C16orf89: variants seen among roughly 807,000 people sequenced by gnomAD.
C16orf89 encodes UPF0764 protein C16orf89.
Under a neutral mutation model 41.5 loss-of-function variants are expected in C16orf89, and 57 were observed. The ratio of observed to expected loss-of-function variants is 1.38; its 90% confidence interval spans 1.11 to 1.71. C16orf89 has a LOEUF of 1.71. Ranked by LOEUF, C16orf89 falls within the 40% of genes most tolerant of loss-of-function variation. The probability of loss-of-function intolerance (pLI) is 0.00; values close to 1 mark genes in which losing one functional copy is unlikely to be tolerated. For missense variants in C16orf89, 575 were observed against 445.9 expected (o/e 1.29, Z -2.61); for synonymous variants, 223 against 190.6 (o/e 1.17, Z -1.40).
chr16:5,045,465 C>T (rs1956278401), intron 7 of C16orf89, among the ~76,000 whole-genome samples: 1 of 152,184 alleles, frequency 6.6e-6, no homozygotes, highest in African/African-American at 2.4e-5. Context: ...CACAATCTGT[C>T]TGCTTGTGGA....
At chr16:5,064,772 G>C (rs1187999385) in intron 1 of C16orf89, among the ~76,000 whole-genome samples, 6 of 152,210 alleles carry the variant, frequency 3.9e-5, no homozygotes, top group Non-Finnish European at 7.3e-5. Context: ...GCTCACTGCA[G>C]CTGCCAAGGA....
rs531204165 is a variant in C16orf89, at chr16:5,055,754, C to T, written c.763+299G>A. The T allele has an allele frequency of 1.1e-5, 17 of 1,532,306 alleles. No individual in the cohort carries two copies. The Admixed American group carries it at 3.1e-4, about 28-fold the overall frequency. 94.9% of individuals were successfully genotyped at this position (1,532,306 alleles called of 1,614,324 possible). ...GGGGCAGGAAACTGTCACACAGTGGCAGGTAAAATACAGGATGCCCAGTTA... is the reference window on the plus strand; with the variant it reads ...GGGGCAGGAAACTGTCACACAGTGGTAGGTAAAATACAGGATGCCCAGTTA... On this transcript the variant is annotated intron_variant, in intron 5 of 7. Coordinates refer to ENST00000472572, the MANE Select transcript of C16orf89 (RefSeq NM_001098514.3).
intron 4 of C16orf89, 43 bp downstream of exon 4, chr16:5,058,450 C>G: frequency 6.6e-7 from 1 of 1,520,910 alleles, no homozygotes; most frequent in South Asian, 1.1e-5. Flanking sequence ...TTCCTTTTTC[C>G]TTCCCCTTCC....
chr16:5,049,357 A>C (rs189751409), intron 6 of C16orf89, among the ~76,000 whole-genome samples: 243 of 152,372 alleles, frequency 1.6e-3, no homozygotes, highest in African/African-American at 5.7e-3. Flanking sequence ...AAATGAATCT[A>C]ACAGACATTT....
At position 5,065,939 on chromosome 16, in the gene C16orf89, C is replaced by G. The variant is rs1956733104; in HGVS notation, c.-31G>C. 6.2e-7 allele frequency: 1 copy of G among 1,606,788 alleles called. No homozygotes were observed. Among genetic ancestry groups the G allele is most frequent in the African/African-American group, 1.3e-5 (1 of 74,778 alleles). Reference sequence around the variant, plus strand: ...GCCTCTGCTCACTGCTGGTCACACGCTCAGCACCCTGAGCTCTGGCCAAGC... The same window carrying G: ...GCCTCTGCTCACTGCTGGTCACACGGTCAGCACCCTGAGCTCTGGCCAAGC... On this transcript the variant is annotated 5_prime_UTR_variant, in exon 1 of 8. Coordinates refer to ENST00000472572, the MANE Select transcript of C16orf89 (RefSeq NM_001098514.3).
At position 5,058,604 on chromosome 16, in the gene C16orf89, G is replaced by T. The variant is rs1244215436; in HGVS notation, c.516C>A (p.Asp172Glu). ...CLVQLLGTGT[D>E]SSEPCGLSDL... ...CTGAGAGGCCGCAGGGCTCGCTGCT[G>T]TCCGTCCTGGGGGAAAGTGGTTCCA... is the stretch of plus-strand genomic sequence containing the variant. Residue 172 changes from aspartate to glutamate, a missense_variant, in exon 4 of 8, where the codon GAC becomes GAA. Asp to Glu is a conservative substitution (Grantham distance 45). Coordinates refer to ENST00000472572, the MANE Select transcript of C16orf89 (RefSeq NM_001098514.3). 1 of 1,610,302 alleles carries T rather than the reference G, an allele frequency of 6.2e-7. No homozygotes were observed. Among genetic ancestry groups the T allele is most frequent in the Admixed American group, 1.7e-5 (1 of 59,912 alleles).
chr16:5,045,091 C>T (rs1433391784), intron 7 of C16orf89, among the ~76,000 whole-genome samples: 1 of 152,238 alleles, frequency 6.6e-6, no homozygotes, highest in Non-Finnish European at 1.5e-5. Flanking sequence ...TCCCCTCCCA[C>T]CCCTGCGGGG....
At chr16:5,058,256 T>C (rs1956548838) in intron 4 of C16orf89, among the ~76,000 whole-genome samples, 1 of 152,008 alleles carries the variant, frequency 6.6e-6, no homozygotes, top group African/African-American at 2.4e-5. Flanking sequence ...CCTCCTCTTG[T>C]AGCTGGGATT....
intron 7 of C16orf89, among the ~76,000 whole-genome samples, chr16:5,045,846 G>C (rs1415035673): frequency 6.6e-6 from 1 of 152,194 alleles, no homozygotes; most frequent in Non-Finnish European, 1.5e-5. Context: ...TGTGTCATAA[G>C]TGCAAGAATC....
rs1956485422 is a variant in C16orf89, at chr16:5,055,727, T to TG, written c.763+325dup. 3.4e-6 allele frequency: 5 copies of TG among 1,488,842 alleles called. No individual in the cohort carries two copies. In the South Asian group the frequency reaches 3.9e-5, roughly 12 times the overall value. The allele number at this position is 1,488,842 out of a possible 1,614,324, so 92.2% of individuals were successfully genotyped here. A position where few individuals can be genotyped will look rare whatever the true frequency, so the allele number is the denominator to read the frequency against. On this transcript the variant is annotated intron_variant, in intron 5 of 7. Coordinates refer to ENST00000472572, the MANE Select transcript of C16orf89 (RefSeq NM_001098514.3). ...AGAGCTCCGTCACTGGGGCAGCCTT[T>TG]GGGGGCAGGAAACTGTCACACAGTG...
intron 3 of C16orf89, among the ~76,000 whole-genome samples, chr16:5,059,853 G>C (rs1956579851): frequency 6.6e-6 from 1 of 152,058 alleles, no homozygotes; most frequent in African/African-American, 2.4e-5. Flanking sequence ...TGGGGTTGGA[G>C]GTAGGATGCT....
At chr16:5,057,595 C>A (rs1280492831) in intron 4 of C16orf89, among the ~76,000 whole-genome samples, 1 of 151,486 alleles carries the variant, frequency 6.6e-6, no homozygotes. Context: ...GTAGCATGAT[C>A]TCAGCTCACT....
rs1192463671 is a variant in C16orf89, at chr16:5,063,535, C to T, written c.209-961G>A. ...GTGAGTGGTGGGTGAGCGAGCTAAG[C>T]TGCATCTGTAATTTACAGCCACTCC... On this transcript the variant is annotated intron_variant, in intron 1 of 7. Transcript: ENST00000472572. 4.6e-5 allele frequency among the ~76,000 whole-genome samples: 7 copies of T among 152,258 alleles called. No homozygotes were observed. In the East Asian group the frequency reaches 1.4e-3, roughly 29 times the overall value.
intron 3 of C16orf89, among the ~76,000 whole-genome samples, chr16:5,059,110 C>T (rs570269434): frequency 4.6e-5 from 7 of 151,878 alleles, no homozygotes; most frequent in African/African-American, 1.2e-4. Flanking sequence ...TGTGGTGGCA[C>T]GTGCCTGTAA....
At chr16:5,048,918 T>C (rs1481334741) in intron 6 of C16orf89, among the ~76,000 whole-genome samples, 1 of 151,802 alleles carries the variant, frequency 6.6e-6, no homozygotes, top group East Asian at 1.9e-4. Context: ...AAAAGATATA[T>C]AGAGTGGCTG....
chr16:5,053,442 C>T (rs1004228363), intron 6 of C16orf89, among the ~76,000 whole-genome samples: 4 of 151,448 alleles, frequency 2.6e-5, no homozygotes, highest in East Asian at 1.9e-4. Flanking sequence ...AGGAGATAAC[C>T]AGAGGTTGGT....
intron 2 of C16orf89, 42 bp downstream of exon 2, chr16:5,062,383 G>A: frequency 6.4e-7 from 1 of 1,567,608 alleles, no homozygotes; most frequent in Non-Finnish European, 8.7e-7. Context: ...TATCCCCATA[G>A]GCGCTATTCC....
chr16:5,058,630 A>T lies in C16orf89; in HGVS notation c.510-20T>A. 6.3e-7 allele frequency: 1 copy of T among 1,580,366 alleles called. No homozygotes were observed. Among genetic ancestry groups the T allele is most frequent in the Non-Finnish European group, 8.7e-7 (1 of 1,152,220 alleles). ...TCCGTCCTGGGGGAAAGTGGTTCCA[A>T]GCTGTTAAGGATGGAGCGCTGACTC... On this transcript the variant is annotated intron_variant, in intron 3 of 7. Coordinates refer to ENST00000472572, the MANE Select transcript of C16orf89 (RefSeq NM_001098514.3).
intron 5 of C16orf89, 177 bp from the exon 6 acceptor site, chr16:5,055,527 C>A: frequency 1.0e-6 from 1 of 968,648 alleles, no homozygotes; most frequent in Non-Finnish European, 1.5e-6. Flanking sequence ...CAACTAGGGG[C>A]TCCCATGCTT....
Sources: allele counts gnomAD v4.1 joint callset (sites outside exome capture counted in the v4.1 genomes callset), GRCh38; gene constraint gnomAD v4.1.1; transcripts MANE v1.5; gene names NCBI Gene and HGNC (gene_info 2026-07-23, HGNC 2026-07-21).